FEM1B: variants seen among roughly 807,000 people sequenced by gnomAD.
FEM1B encodes protein fem-1 homolog B.
In FEM1B, 10 loss-of-function variants were observed where a neutral mutation model predicts 38.6. The observed-to-expected ratio is 0.26, with a 90% CI of 0.16 to 0.44. FEM1B has a LOEUF of 0.44. Ranked by LOEUF, FEM1B falls within the 20% of genes least tolerant of loss-of-function variation. The pLI, the probability that FEM1B is intolerant of heterozygous loss-of-function variation, is 1.00. For missense variants in FEM1B, 471 were observed against 786.7 expected, an observed-to-expected ratio of 0.60 and a Z score of 4.80; for synonymous variants, 288 against 288.0, an observed-to-expected ratio of 1.00 and a Z score of 0.00.
At chr15:68,282,312 G>A (rs1029100343) in intron 1 of FEM1B, among the ~76,000 whole-genome samples, 8 of 152,010 alleles carry the variant, frequency 5.3e-5, no homozygotes, top group East Asian at 3.9e-4. Context: ...ATGTTGAGGC[G>A]GAGGAAAGGC....
Position 68,291,294 on chromosome 15 carries a change from T to G in FEM1B, c.*52T>G. On this transcript the variant is annotated 3_prime_UTR_variant, in exon 2 of 2. Transcript: ENST00000306917. This position sits in a 1 kb window ranked among gnomAD's most constrained non-coding sequence, Gnocchi z 6.9. ...TGTGGTGCTAAAAAGTAAAGGACTT[T>G]TAATCACAGACAGTAGAATTATGTG... 1.5e-6 allele frequency: 2 copies of G among 1,339,152 alleles called. No individual in the cohort carries two copies. The highest frequency in any genetic ancestry group is 2.1e-6 in the Non-Finnish European group (2 of 972,032). The allele number at this position is 1,339,152 out of a possible 1,614,324, so 83.0% of individuals were successfully genotyped here.
chr15:68,290,364 T>G lies in FEM1B; in HGVS notation c.1006T>G (p.Leu336Val). The G allele has an allele frequency of 1.9e-6, 3 of 1,614,194 alleles. No individual in the cohort carries two copies. Among genetic ancestry groups the G allele is most frequent in the Non-Finnish European group, 2.5e-6 (3 of 1,180,034 alleles). ...MEGLIVRERI[L>V]GADNIDVSHP... ...AGGCCTTATAGTTCGGGAACGGATTTTAGGTGCTGACAATATTGATGTTTC... is the reference window on the plus strand; with the variant it reads ...AGGCCTTATAGTTCGGGAACGGATTGTAGGTGCTGACAATATTGATGTTTC... The change falls in exon 2 of 2, where the codon TTA (leucine) becomes GTA (valine). Residue 336 changes from leucine (L) to valine (V), a missense_variant. This residue lies in a region of FEM1B where 380 missense variants were observed against 599.6 expected (regional missense o/e 0.63). Transcript: ENST00000306917. The surrounding 1 kb of genome is among the most constrained non-coding windows in gnomAD (Gnocchi z 9.7).
chr15:68,289,298 G>A lies in FEM1B; in HGVS notation c.249-309G>A, dbSNP rs1051067228. 4 of 252,412 alleles carry A rather than the reference G, an allele frequency of 1.6e-5. No individual in the cohort carries two copies. Among genetic ancestry groups the A allele is most frequent in the African/African-American group, 2.2e-5 (1 of 44,520 alleles). 15.6% of individuals were successfully genotyped at this position (252,412 alleles called of 1,614,324 possible). A position where few individuals can be genotyped will look rare whatever the true frequency, so the allele number is the denominator to read the frequency against. On this transcript the variant is annotated intron_variant, in intron 1 of 1. Coordinates refer to ENST00000306917, the MANE Select transcript of FEM1B (RefSeq NM_015322.5). This position sits in a 1 kb window ranked among gnomAD's most constrained non-coding sequence, Gnocchi z 6.9. ...TTGGTGATGAAGAAGCTACCTCCAC[G>A]CATTTCCTCTGTGCCTTCTGAAGTG...
At position 68,288,549 on chromosome 15, in the gene FEM1B, A is replaced by T. The variant is rs1330340353; in HGVS notation, c.249-1058A>T. Among the ~76,000 whole-genome samples, 1 of 152,250 alleles carries T rather than the reference A, an allele frequency of 6.6e-6. No homozygotes were observed. The highest frequency in any genetic ancestry group is 1.5e-5 in the Non-Finnish European group (1 of 68,040). ...GGTTGGGGAAAAATTGACAGTAGAA[A>T]GGTGGGAAAGATCAGACTCTAGCAA... On this transcript the variant is annotated intron_variant, in intron 1 of 1. Transcript: ENST00000306917. This position sits in a 1 kb window ranked among gnomAD's most constrained non-coding sequence, Gnocchi z 4.6.
Position 68,289,529 on chromosome 15 carries a change from G to T in FEM1B, c.249-78G>T. The T allele has an allele frequency of 1.0e-6, 1 of 986,788 alleles. No homozygotes were observed. The highest frequency in any genetic ancestry group is 1.5e-5 in the South Asian group (1 of 65,240). The allele number at this position is 986,788 out of a possible 1,614,324, so 61.1% of individuals were successfully genotyped here. On this transcript the variant is annotated intron_variant, in intron 1 of 1. Transcript: ENST00000306917. The surrounding 1 kb of genome is among the most constrained non-coding windows in gnomAD (Gnocchi z 6.9). ...GTTCTGGAGAGTGAGGTCTTGGTCG[G>T]TGGGAGTGAATACATCCCTTAAACA...
chr15:68,290,200 T>C lies in FEM1B; in HGVS notation c.842T>C (p.Leu281Ser). The C allele has an allele frequency of 6.2e-7, 1 of 1,614,080 alleles. No homozygotes were observed. Among genetic ancestry groups the C allele is most frequent in the South Asian group, 1.1e-5 (1 of 91,086 alleles). Residue 281 changes from leucine to serine, a missense_variant, in exon 2 of 2, where the codon TTA becomes TCA. Physicochemically the swap from Leu to Ser is moderately radical, Grantham distance 145. Transcript: ENST00000306917. The surrounding 1 kb of genome is among the most constrained non-coding windows in gnomAD (Gnocchi z 9.7). ...TACCACTATCTATATTTAGCCATGT[T>C]AGAGAGGTTCCAAGATGGTGATAAC... Reference protein sequence around the residue: ...KTYHYLYLAMLERFQDGDNIL... With the variant: ...KTYHYLYLAMSERFQDGDNIL...
Position 68,289,635 on chromosome 15 carries a change from T to C in FEM1B, c.277T>C (p.Trp93Arg), listed in dbSNP as rs1197178727. 1.2e-6 allele frequency: 2 copies of C among 1,614,122 alleles called. No homozygotes were observed. The highest frequency in any genetic ancestry group is 1.7e-6 in the Non-Finnish European group (2 of 1,179,964). ...TGTCATTGATGGTGCCACTGCTCTT[T>C]GGTGTGCAGCTGGAGCAGGACATTT... ...GYVIDGATAL[W>R]CAAGAGHFEV... is the part of the protein sequence containing the mutation. The change falls in exon 2 of 2, where the codon TGG (tryptophan) becomes CGG (arginine). Residue 93 changes from tryptophan (W) to arginine (R), a missense_variant. Around this residue, in one of 3 missense-constraint regions of FEM1B, gnomAD observed 91 missense variants for 169.6 expected, o/e 0.54. Transcript: ENST00000306917. The surrounding 1 kb of genome is among the most constrained non-coding windows in gnomAD (Gnocchi z 6.9).
chr15:68,283,602 GTTGTGCCACTGCCATGAGCAGTGA>G (rs986272315), intron 1 of FEM1B, among the ~76,000 whole-genome samples: 4 of 151,274 alleles, frequency 2.6e-5, no homozygotes, highest in South Asian at 2.1e-4. Context: ...GTGAGCAGTG[GTTGTGCCACTGCCATGAGCAGTGA>G]TTGTGCCACT....
rs1311800638 is a variant in FEM1B, at chr15:68,278,227, C to G, written c.-191C>G. 1 of 739,062 alleles carries G rather than the reference C, an allele frequency of 1.4e-6. No individual in the cohort carries two copies. The highest frequency in any genetic ancestry group is 3.0e-5 in the East Asian group (1 of 33,092). 45.8% of individuals were successfully genotyped at this position (739,062 alleles called of 1,614,324 possible). A position where few individuals can be genotyped will look rare whatever the true frequency, so the allele number is the denominator to read the frequency against. ...CGGGCTGGGTCGCGGACGTGCCCTT[C>G]GCGGCACTCGGCCTCCTCTGCGTCT... is the stretch of plus-strand genomic sequence containing the variant. On this transcript the variant is annotated 5_prime_UTR_variant, in exon 1 of 2. Coordinates refer to ENST00000306917, the MANE Select transcript of FEM1B (RefSeq NM_015322.5). The surrounding 1 kb of genome is among the most constrained non-coding windows in gnomAD (Gnocchi z 5.7).
At position 68,280,558 on chromosome 15, in the gene FEM1B, C is replaced by T. The variant is rs550840467; in HGVS notation, c.248+1893C>T. On this transcript the variant is annotated intron_variant, in intron 1 of 1. Coordinates refer to ENST00000306917, the MANE Select transcript of FEM1B (RefSeq NM_015322.5). The surrounding 1 kb of genome is among the most constrained non-coding windows in gnomAD (Gnocchi z 4.2). ...TAGAAAGGCTTCACAGAGGAGGTGA[C>T]GTTCGAGCTGTGTTTTAAAGAATAG... 3.9e-5 allele frequency among the ~76,000 whole-genome samples: 6 copies of T among 152,188 alleles called. No individual in the cohort carries two copies. The East Asian group carries it at 7.7e-4, about 20-fold the overall frequency.
rs1033357024 is a variant in FEM1B at position 68,278,063 on chromosome 15, T to G, written c.-355T>G. 4 of 229,498 alleles carry G rather than the reference T, an allele frequency of 1.7e-5. No individual in the cohort carries two copies. The highest frequency in any genetic ancestry group is 3.4e-5 in the Non-Finnish European group (4 of 118,052). The allele number at this position is 229,498 out of a possible 1,614,324, so 14.2% of individuals were successfully genotyped here. A position where few individuals can be genotyped will look rare whatever the true frequency, so the allele number is the denominator to read the frequency against. ...CGGGACCCGGCCGGCGACCCGTAGC[T>G]CGGGCACGCGCCTGTCGCATCCCGC... On this transcript the variant is annotated 5_prime_UTR_variant, in exon 1 of 2. Transcript: ENST00000306917. The surrounding 1 kb of genome is among the most constrained non-coding windows in gnomAD (Gnocchi z 5.7).
At position 68,280,466 on chromosome 15, in the gene FEM1B, TG is replaced by T. The variant is rs1892713704; in HGVS notation, c.248+1802del. Among the ~76,000 whole-genome samples, 1 of 152,338 alleles carries T rather than the reference TG, an allele frequency of 6.6e-6. No individual in the cohort carries two copies. The highest frequency in any genetic ancestry group is 2.4e-5 in the African/African-American group (1 of 41,572). ...TTGCAGATGCCATGCCATTTAGGGT[TG>T]TAGAAATCATTTGGACTACTGAGAG... On this transcript the variant is annotated intron_variant, in intron 1 of 1. Coordinates refer to ENST00000306917, the MANE Select transcript of FEM1B (RefSeq NM_015322.5). This position sits in a 1 kb window ranked among gnomAD's most constrained non-coding sequence, Gnocchi z 4.2.
chr15:68,286,425 A>T (rs1892788041), intron 1 of FEM1B, among the ~76,000 whole-genome samples: 1 of 152,040 alleles, frequency 6.6e-6, no homozygotes, highest in African/African-American at 2.4e-5. Flanking sequence ...TGCTCAGGCA[A>T]GAGTGCAGTG....
intron 1 of FEM1B, among the ~76,000 whole-genome samples, chr15:68,285,093 C>G (rs535573040): frequency 6.6e-6 from 1 of 152,178 alleles, no homozygotes; most frequent in African/African-American, 2.4e-5. Flanking sequence ...TTTGCCTGTA[C>G]TTGAACTTCC....
In FEM1B at chr15:68,294,432, G is replaced by T. The variant is rs962771116; in HGVS notation, c.*3190G>T. 1.3e-5 allele frequency: 2 copies of T among 152,138 alleles called. No individual in the cohort carries two copies. The highest frequency in any genetic ancestry group is 4.8e-5 in the African/African-American group (2 of 41,436). The allele number at this position is 152,138 out of a possible 1,614,324, so 9.4% of individuals were successfully genotyped here. A position where few individuals can be genotyped will look rare whatever the true frequency, so the allele number is the denominator to read the frequency against. On this transcript the variant is annotated 3_prime_UTR_variant, in exon 2 of 2. Coordinates refer to ENST00000306917, the MANE Select transcript of FEM1B (RefSeq NM_015322.5). The surrounding 1 kb of genome is among the most constrained non-coding windows in gnomAD (Gnocchi z 4.4). ...GATAACATTGTTTGAAGTAAAATAT[G>T]ATTTGGGGGCAGCAGCTTTCTAAAT...
At position 68,288,206 on chromosome 15, in the gene FEM1B, A is replaced by G. The variant is rs1296771863; in HGVS notation, c.249-1401A>G. Among the ~76,000 whole-genome samples the G allele has an allele frequency of 5.9e-5, 9 of 152,300 alleles. No individual in the cohort carries two copies. The East Asian group carries it at 1.7e-3, about 29-fold the overall frequency. ...CATGACCTAATCACCTCTTCAAGAC[A>G]TCACCTCTTAATGCTATTCACGTTT... On this transcript the variant is annotated intron_variant, in intron 1 of 1. Coordinates refer to ENST00000306917, the MANE Select transcript of FEM1B (RefSeq NM_015322.5). This position sits in a 1 kb window ranked among gnomAD's most constrained non-coding sequence, Gnocchi z 4.6.
In FEM1B at chr15:68,293,720, A is replaced by C. The variant is rs1210589625; in HGVS notation, c.*2478A>C. 2 of 152,208 alleles carry C rather than the reference A, an allele frequency of 1.3e-5. No homozygotes were observed. The highest frequency in any genetic ancestry group is 4.8e-5 in the African/African-American group (2 of 41,450). The allele number at this position is 152,208 out of a possible 1,614,324, so 9.4% of individuals were successfully genotyped here. On this transcript the variant is annotated 3_prime_UTR_variant, in exon 2 of 2. Coordinates refer to ENST00000306917, the MANE Select transcript of FEM1B (RefSeq NM_015322.5). This position sits in a 1 kb window ranked among gnomAD's most constrained non-coding sequence, Gnocchi z 5.8. Reference sequence around the variant, plus strand: ...ACCTGTATAAAATCATTTTTGAAATAAGTGATCTACATGCCTGTTTTTTTA... The same window carrying C: ...ACCTGTATAAAATCATTTTTGAAATCAGTGATCTACATGCCTGTTTTTTTA...
Position 68,289,481 on chromosome 15 carries a change from A to C in FEM1B, c.249-126A>C, listed in dbSNP as rs1892823895. On this transcript the variant is annotated intron_variant, in intron 1 of 1. Coordinates refer to ENST00000306917, the MANE Select transcript of FEM1B (RefSeq NM_015322.5). The surrounding 1 kb of genome is among the most constrained non-coding windows in gnomAD (Gnocchi z 6.9). Reference sequence around the variant, plus strand: ...CCTTAAATTACCTGTTTTTATTTTCATGAGAACTGATGTTTTATTAATGTT... The same window carrying C: ...CCTTAAATTACCTGTTTTTATTTTCCTGAGAACTGATGTTTTATTAATGTT... The C allele has an allele frequency of 1.0e-5, 7 of 668,094 alleles. 1 individual carries two copies. The South Asian group carries it at 1.4e-4, about 13-fold the overall frequency. The allele number at this position is 668,094 out of a possible 1,614,324, so 41.4% of individuals were successfully genotyped here. A position where few individuals can be genotyped will look rare whatever the true frequency, so the allele number is the denominator to read the frequency against.
At position 68,284,647 on chromosome 15, in the gene FEM1B, A is replaced by G. The variant is rs759248903; in HGVS notation, c.249-4960A>G. On this transcript the variant is annotated intron_variant, in intron 1 of 1. Coordinates refer to ENST00000306917, the MANE Select transcript of FEM1B (RefSeq NM_015322.5). The surrounding 1 kb of genome is among the most constrained non-coding windows in gnomAD (Gnocchi z 4.4). ...ATGTGTAGAACACTTTATCACTCTAAAAGTTTCCCTTGTGCCCCTTCTCAG... is the reference window on the plus strand; with the variant it reads ...ATGTGTAGAACACTTTATCACTCTAGAAGTTTCCCTTGTGCCCCTTCTCAG... Among the ~76,000 whole-genome samples the G allele has an allele frequency of 1.3e-5, 2 of 152,146 alleles. No individual in the cohort carries two copies. Among genetic ancestry groups the G allele is most frequent in the African/African-American group, 2.4e-5 (1 of 41,420 alleles).
Sources: allele counts gnomAD v4.1 joint callset (sites outside exome capture counted in the v4.1 genomes callset), GRCh38; gene constraint gnomAD v4.1.1; regional missense constraint gnomAD v4.1.1; non-coding constraint Gnocchi (gnomAD v3.1); transcripts MANE v1.5; gene names NCBI Gene and HGNC (gene_info 2026-07-23, HGNC 2026-07-21).